Variants in GOLM1 observed in about 807,000 individuals in gnomAD.
The protein encoded by GOLM1 is golgi membrane protein 1.
In GOLM1, 31 loss-of-function variants were observed where a neutral mutation model predicts 50.5. The ratio of observed to expected loss-of-function variants is 0.61; its 90% CI spans 0.46 to 0.83. The LOEUF is 0.83. GOLM1 is among the 40% of genes least tolerant of loss of function. The pLI is 0.00. For synonymous variants in GOLM1, 178 were observed against 192.8 expected, an observed-to-expected ratio of 0.92 and a Z score of 0.64; for missense variants, 491 against 501.3, an observed-to-expected ratio of 0.98 and a Z score of 0.20.
At chr9:86,082,829 C>G (rs1173675781) in intron 1 of GOLM1, among the ~76,000 whole-genome samples, 1 of 152,216 alleles carries the variant, frequency 6.6e-6, no homozygotes, top group African/African-American at 2.4e-5. Flanking sequence ...ATATGTATAG[C>G]CGCTATTCTA....
intron 3 of GOLM1, among the ~76,000 whole-genome samples, chr9:86,066,023 C>T (rs137866432): frequency 7.9e-4 from 121 of 152,264 alleles, no homozygotes; most frequent in African/African-American, 2.7e-3. Context: ...CTGGGTGACA[C>T]AGTGAGACTC....
chr9:86,049,735 G>A (rs981865657), intron 4 of GOLM1, among the ~76,000 whole-genome samples: 5 of 152,226 alleles, frequency 3.3e-5, no homozygotes, highest in African/African-American at 1.2e-4. Context: ...AGACTTTGCT[G>A]AAGTTGCTTA....
rs562822298 is a variant in GOLM1 at position 86,036,254 on chromosome 9, G to A, written c.757+94C>T. On this transcript the variant is annotated intron_variant, in intron 7 of 9. Transcript: ENST00000388712. The stretch of plus-strand genomic sequence containing the variant: ...CCCTGCTCCTGGCTGCGCCGCTGCC[G>A]GGTTCACTGACTGCCTCAGCAGCTC... 10 of 1,312,002 alleles carry A rather than the reference G, an allele frequency of 7.6e-6. 1 individual carries two copies. The highest frequency in any genetic ancestry group is 3.8e-4 in the Middle Eastern group (2 of 5,226). The allele number at this position is 1,312,002 out of a possible 1,614,324, so 81.3% of individuals were successfully genotyped here.
intron 1 of GOLM1, among the ~76,000 whole-genome samples, chr9:86,082,823 G>A (rs1470633069): frequency 2.0e-5 from 3 of 152,212 alleles, no homozygotes; most frequent in Non-Finnish European, 2.9e-5. Context: ...TGATTCATAT[G>A]TATAGCCGCT....
intron 3 of GOLM1, among the ~76,000 whole-genome samples, chr9:86,061,121 G>T (rs1203463693): frequency 1.3e-5 from 2 of 151,940 alleles, no homozygotes; most frequent in Non-Finnish European, 2.9e-5. Context: ...GATGTGTGGG[G>T]GCTCACTGGG....
intron 8 of GOLM1, among the ~76,000 whole-genome samples, chr9:86,034,351 C>G (rs1471567849): frequency 6.6e-6 from 1 of 152,186 alleles, no homozygotes; most frequent in Admixed American, 6.5e-5. Flanking sequence ...ACTGCACAGG[C>G]CTATGTGTCC....
At chr9:86,035,668 A>AT (rs1014990934) in intron 7 of GOLM1, 43 bp from the exon 8 acceptor site, 10 of 784,092 alleles carry the variant, frequency 1.3e-5, no homozygotes, top group African/African-American at 2.3e-5. Flanking sequence ...CCAGCATTTG[A>AT]TTTAAAAAAA....
chr9:86,055,662 T>C (rs1046426094), intron 3 of GOLM1, among the ~76,000 whole-genome samples: 2 of 152,166 alleles, frequency 1.3e-5, no homozygotes, highest in Admixed American at 6.5e-5. Flanking sequence ...GCAGACAACA[T>C]TACACTAAGT....
chr9:86,090,216 A>G (rs552024564), intron 1 of GOLM1, among the ~76,000 whole-genome samples: 1 of 152,294 alleles, frequency 6.6e-6, no homozygotes, highest in South Asian at 2.1e-4. Flanking sequence ...GTCAGGAGGC[A>G]CAGGGGTCAG....
chr9:86,096,211 A>C (rs991447107), intron 1 of GOLM1, among the ~76,000 whole-genome samples: 2 of 149,668 alleles, frequency 1.3e-5, no homozygotes, highest in Non-Finnish European at 3.0e-5. Flanking sequence ...AAATAAAAGG[A>C]TATCTCATGA....
At position 86,032,496 on chromosome 9, in the gene GOLM1, A is replaced by G. The variant is rs138290084; in HGVS notation, c.1129+786T>C. On this transcript the variant is annotated intron_variant, in intron 9 of 9. Transcript: ENST00000388712. ...AAAATGAATTTTAAGAAAGAATACT[A>G]TGAGTCCATAGTGATACCAAAACAA... 5.2e-3 allele frequency among the ~76,000 whole-genome samples: 789 copies of G among 152,246 alleles called. 4 individuals are homozygous for G. The highest frequency in any genetic ancestry group is 0.018 in the African/African-American group (752 of 41,536).
intron 9 of GOLM1, among the ~76,000 whole-genome samples, chr9:86,031,966 G>C (rs1452365116): frequency 7.0e-6 from 1 of 143,586 alleles, no homozygotes; most frequent in Non-Finnish European, 1.5e-5. Context: ...CAGACATGAC[G>C]TGCCTCCCGA....
At chr9:86,037,438 CAAAA>C (rs112398885) in intron 6 of GOLM1, among the ~76,000 whole-genome samples, 26 of 59,210 alleles carry the variant, frequency 4.4e-4, no homozygotes, top group African/African-American at 9.9e-4. Flanking sequence ...GACTGTCTCT[CAAAA>C]AAAAAAAAAA....
chr9:86,038,107 T>C (rs1049740240), intron 6 of GOLM1, among the ~76,000 whole-genome samples: 7 of 150,454 alleles, frequency 4.7e-5, no homozygotes. Context: ...TGAGCCAAGA[T>C]TGCGCCATTG....
intron 1 of GOLM1, among the ~76,000 whole-genome samples, chr9:86,081,115 T>A (rs909944594): frequency 3.9e-5 from 6 of 151,908 alleles, no homozygotes; most frequent in African/African-American, 1.5e-4. Flanking sequence ...CTCAAATTCC[T>A]GACCTCAAGT....
intron 3 of GOLM1, among the ~76,000 whole-genome samples, chr9:86,053,671 G>T (rs111216620): frequency 2.3e-3 from 6 of 2,626 alleles, no homozygotes; most frequent in Non-Finnish European, 2.9e-3. Context: ...CTCCACACAC[G>T]GCACACCACT....
intron 6 of GOLM1, among the ~76,000 whole-genome samples, chr9:86,039,777 G>A (rs1277089043): frequency 1.3e-5 from 2 of 152,078 alleles, no homozygotes; most frequent in African/African-American, 4.8e-5. Flanking sequence ...AGACCAGCCT[G>A]GCCAACATGA....
chr9:86,027,737 G>GT lies in GOLM1; in HGVS notation c.*79dup, dbSNP rs1373233945. 3.3e-6 allele frequency: 5 copies of GT among 1,533,974 alleles called. No individual in the cohort carries two copies. In the Admixed American group the frequency reaches 1.1e-4, roughly 33 times the overall value. ...TACATTTTATTTAGTACATTTCACA[G>GT]TTTTCAGTATTCAGTCCCTCATGAA... On this transcript the variant is annotated 3_prime_UTR_variant, in exon 10 of 10. Coordinates refer to ENST00000388712, the MANE Select transcript of GOLM1 (RefSeq NM_016548.4).
At chr9:86,039,771 C>G (rs1259706013) in intron 6 of GOLM1, among the ~76,000 whole-genome samples, 1 of 152,080 alleles carries the variant, frequency 6.6e-6, no homozygotes, top group African/African-American at 2.4e-5. Flanking sequence ...CGTTCAAGAC[C>G]AGCCTGGCCA....
Sources: allele counts gnomAD v4.1 joint callset (sites outside exome capture counted in the v4.1 genomes callset), GRCh38; gene constraint gnomAD v4.1.1; transcripts MANE v1.5; gene names NCBI Gene and HGNC (gene_info 2026-07-23, HGNC 2026-07-21).